Variants in ZSCAN21 observed in about 807,000 individuals in gnomAD.
The protein encoded by ZSCAN21 is zinc finger and SCAN domain-containing protein 21.
A neutral mutation model predicts 35.6 loss-of-function variants in ZSCAN21; 26 were observed. The observed-to-expected ratio is 0.73, with a 90% CI of 0.54 to 1.01. The LOEUF (loss-of-function observed/expected upper bound fraction) is 1.01. ZSCAN21 is among the 50% of genes least tolerant of loss of function. The pLI is 0.00. For synonymous variants in ZSCAN21, 219 were observed against 219.3 expected (o/e 1.00, Z 0.01); for missense variants, 593 against 587.1 (o/e 1.01, Z -0.10).
At position 100,064,255 on chromosome 7, in the gene ZSCAN21, C is replaced by G. The variant is rs745869733; in HGVS notation, c.1060C>G (p.His354Asp). 6.2e-7 allele frequency: 1 copy of G among 1,614,122 alleles called. No homozygotes were observed. Among genetic ancestry groups the G allele is most frequent in the Non-Finnish European group, 8.5e-7 (1 of 1,180,036 alleles). The stretch of plus-strand genomic sequence containing the variant: ...AGACCTTCTTAAACATCAGAGAATG[C>G]ACACAGAAGAGGCGCCATATCAGTG... ...SSDLLKHQRM[H>D]TEEAPYQCKD... Residue 354 changes from histidine to aspartate, a missense_variant, in exon 4 of 4, where the codon CAC (histidine) becomes GAC (aspartate). By Grantham distance (81) the His-to-Asp change is moderately conservative. Transcript: ENST00000292450.
chr7:100,062,421 C>G (rs1262506339), intron 3 of ZSCAN21, among the ~76,000 whole-genome samples: 1 of 150,076 alleles, frequency 6.7e-6, no homozygotes, highest in Non-Finnish European at 1.5e-5. Context: ...CATGGAGAAA[C>G]CCTGTCTCTA....
intron 1 of ZSCAN21, among the ~76,000 whole-genome samples, chr7:100,052,741 C>G (rs896168857): frequency 4.0e-5 from 6 of 151,828 alleles, no homozygotes; most frequent in Non-Finnish European, 8.8e-5. Context: ...TGTGAAATCA[C>G]CAAGGAGAGT....
In ZSCAN21 at chr7:100,064,199, G is replaced by A. The variant is rs781008159; in HGVS notation, c.1004G>A (p.Cys335Tyr). The change falls in exon 4 of 4, where the codon TGT (cysteine) becomes TAT (tyrosine). Residue 335 changes from cysteine (C) to tyrosine (Y), a missense_variant. Transcript: ENST00000292450. The part of the protein sequence containing the change: ...RTHLVDRPYD[C>Y]KCGKAFGQSS... The stretch of plus-strand genomic sequence containing the variant: ...CACTTGGTGGACCGGCCCTATGACT[G>A]TAAGTGTGGAAAAGCTTTTGGGCAG... 16 of 1,614,056 alleles carry A rather than the reference G, an allele frequency of 9.9e-6. No individual in the cohort carries two copies. Among genetic ancestry groups the A allele is most frequent in the Non-Finnish European group, 1.4e-5 (16 of 1,179,940 alleles).
intron 3 of ZSCAN21, among the ~76,000 whole-genome samples, chr7:100,059,725 A>G (rs1792213548): frequency 6.7e-6 from 1 of 148,518 alleles, no homozygotes; most frequent in Non-Finnish European, 1.5e-5. Context: ...GCTCTTTTTA[A>G]AAAAACAGAG....
chr7:100,050,880 C>T (rs1247752731), intron 1 of ZSCAN21, among the ~76,000 whole-genome samples: 1 of 151,298 alleles, frequency 6.6e-6, no homozygotes, highest in Non-Finnish European at 1.5e-5. Context: ...TGAAATGATG[C>T]GGAATTTGAT....
intron 3 of ZSCAN21, among the ~76,000 whole-genome samples, chr7:100,059,415 C>T (rs1230046546): frequency 6.6e-6 from 1 of 152,012 alleles, no homozygotes; most frequent in East Asian, 1.9e-4. Context: ...CAGTATTACA[C>T]AAAGAGGAGG....
intron 1 of ZSCAN21, among the ~76,000 whole-genome samples, chr7:100,050,658 A>G (rs1433571431): frequency 2.0e-5 from 3 of 152,092 alleles, no homozygotes; most frequent in African/African-American, 7.2e-5. Context: ...AGATCACGCC[A>G]CTGCACTCCA....
chr7:100,057,986 T>C (rs985887446), intron 3 of ZSCAN21, 96 bp downstream of exon 3: 5 of 1,178,670 alleles, frequency 4.2e-6, no homozygotes, highest in African/African-American at 3.2e-5. Flanking sequence ...GGTGATTTCA[T>C]AGATTGACTT....
chr7:100,054,409 C>T (rs984005549), intron 1 of ZSCAN21, among the ~76,000 whole-genome samples: 1 of 151,438 alleles, frequency 6.6e-6, no homozygotes, highest in African/African-American at 2.4e-5. Flanking sequence ...GTCACCACGC[C>T]CGGCTAATTT....
Position 100,057,314 on chromosome 7 carries a change from C to T in ZSCAN21, c.308C>T (p.Ala103Val). 6.2e-7 allele frequency: 1 copy of T among 1,612,716 alleles called. No homozygotes were observed. Among genetic ancestry groups the T allele is most frequent in the East Asian group, 2.2e-5 (1 of 44,878 alleles). Residue 103 changes from alanine (A) to valine (V), a missense_variant, in exon 2 of 4, where the codon GCC (alanine) becomes GTC (valine). Coordinates refer to ENST00000292450, the MANE Select transcript of ZSCAN21 (RefSeq NM_145914.3). ...FLTILPQELQ[A>V]WVQEHCPESA... Reference sequence around the variant, plus strand: ...ACCATCCTGCCCCAGGAGCTCCAGGCCTGGGTGCAGGAGCATTGCCCGGAG... The same window carrying T: ...ACCATCCTGCCCCAGGAGCTCCAGGTCTGGGTGCAGGAGCATTGCCCGGAG...
chr7:100,062,451 C>T (rs148528096), intron 3 of ZSCAN21, among the ~76,000 whole-genome samples: 1,882 of 151,494 alleles, frequency 0.012, 20 homozygotes, highest in Non-Finnish European at 0.018. Context: ...CAAAATAAGC[C>T]GGGCATGGTG....
chr7:100,056,930 A>T lies in ZSCAN21; in HGVS notation c.-77A>T. On this transcript the variant is annotated 5_prime_UTR_variant, in exon 2 of 4. It adds an upstream start codon to the 5' untranslated region. Coordinates refer to ENST00000292450, the MANE Select transcript of ZSCAN21 (RefSeq NM_145914.3). Reference sequence around the variant, plus strand: ...TCTTAGGTTTAACTTGTGGCCCTAAAGAACTGGAAACCCAAAGGAACGAAT... The same window carrying T: ...TCTTAGGTTTAACTTGTGGCCCTAATGAACTGGAAACCCAAAGGAACGAAT... 7.0e-7 allele frequency: 1 copy of T among 1,430,680 alleles called. No individual in the cohort carries two copies. The highest frequency in any genetic ancestry group is 9.3e-7 in the Non-Finnish European group (1 of 1,070,624). 88.6% of individuals were successfully genotyped at this position (1,430,680 alleles called of 1,614,324 possible). A position where few individuals can be genotyped will look rare whatever the true frequency, so the allele number is the denominator to read the frequency against.
chr7:100,049,904 G>C (rs1004594960), intron 1 of ZSCAN21, 63 bp downstream of exon 1: 3 of 152,578 alleles, frequency 2.0e-5, no homozygotes, highest in African/African-American at 7.2e-5. Flanking sequence ...TGAATGGTCT[G>C]GGGAGGGAGG....
intron 3 of ZSCAN21, among the ~76,000 whole-genome samples, chr7:100,062,074 A>G: frequency 6.6e-6 from 1 of 152,180 alleles, no homozygotes; most frequent in East Asian, 1.9e-4. Flanking sequence ...ACGTGCTTTC[A>G]TTCTGATTGA....
intron 1 of ZSCAN21, among the ~76,000 whole-genome samples, chr7:100,054,118 G>C (rs1222387509): frequency 2.0e-5 from 3 of 152,050 alleles, no homozygotes; most frequent in Admixed American, 2.0e-4. Context: ...AGATGACGTT[G>C]CATCTCCCCT....
chr7:100,057,584 G>C, intron 2 of ZSCAN21, 114 bp from the exon 3 acceptor site: 1 of 1,339,464 alleles, frequency 7.5e-7, no homozygotes. Flanking sequence ...AATGGAATGG[G>C]ATGGGTGTTT....
intron 1 of ZSCAN21, among the ~76,000 whole-genome samples, chr7:100,051,988 T>G (rs931357373): frequency 3.9e-5 from 6 of 152,102 alleles, no homozygotes; most frequent in Admixed American, 1.3e-4. Flanking sequence ...TGGAGCACAG[T>G]GGTACAGCCA....
chr7:100,052,813 C>A (rs2116060487), intron 1 of ZSCAN21, among the ~76,000 whole-genome samples: 1 of 152,166 alleles, frequency 6.6e-6, no homozygotes, highest in South Asian at 2.1e-4. Flanking sequence ...ATGCATTGTA[C>A]ATTTGAGTTG....
chr7:100,057,244 A>G lies in ZSCAN21; in HGVS notation c.238A>G (p.Thr80Ala), dbSNP rs760731025. 15 of 1,613,664 alleles carry G rather than the reference A, an allele frequency of 9.3e-6. No individual in the cohort carries two copies. The highest frequency in any genetic ancestry group is 1.3e-5 in the Non-Finnish European group (15 of 1,179,962). Residue 80 changes from threonine (T) to alanine (A), a missense_variant, in exon 2 of 4, where the codon ACC becomes GCC. Transcript: ENST00000292450. Reference protein sequence around the residue: ...CCEWLRPEIHTKEQILELLVL... With the variant: ...CCEWLRPEIHAKEQILELLVL... The stretch of plus-strand genomic sequence containing the variant: ...TGAGTGGCTGAGGCCCGAGATCCAC[A>G]CCAAGGAGCAGATCCTGGAGCTACT...
Sources: gnomAD v4.1 joint callset for allele counts (sites outside exome capture counted in the v4.1 genomes callset) on GRCh38, gnomAD v4.1.1 for gene constraint, MANE v1.5 for transcripts, NCBI Gene and HGNC (gene_info 2026-07-23, HGNC 2026-07-21) for gene names.